Variants in PTPN1 observed in about 807,000 individuals in gnomAD.
The protein encoded by PTPN1 is tyrosine-protein phosphatase non-receptor type 1.
PTPN1 carries 12 observed loss-of-function variants against 59.9 expected under a neutral mutation model. The observed-to-expected ratio is 0.20, with a 90% CI of 0.13 to 0.32. The LOEUF (loss-of-function observed/expected upper bound fraction) is 0.32. Ranked by LOEUF, PTPN1 falls within the 10% of genes least tolerant of loss-of-function variation. PTPN1 has a pLI of 1.00. For synonymous variants in PTPN1, 178 were observed against 203.6 expected, an observed-to-expected ratio of 0.87 and a Z score of 1.07; for missense variants, 356 against 549.2, an observed-to-expected ratio of 0.65 and a Z score of 3.52.
chr20:50,565,349 GAC>G (rs2082774017), intron 3 of PTPN1, among the ~76,000 whole-genome samples: 2 of 152,354 alleles, frequency 1.3e-5, no homozygotes, highest in African/African-American at 4.8e-5. Flanking sequence ...TGTTGGCAGA[GAC>G]AGCAGAGCCA....
At chr20:50,564,004 G>A (rs1201460429) in intron 2 of PTPN1, among the ~76,000 whole-genome samples, 1 of 151,822 alleles carries the variant, frequency 6.6e-6, no homozygotes, top group Non-Finnish European at 1.5e-5. Flanking sequence ...TCTTTCAAGT[G>A]TCTTTGTGAT....
At chr20:50,539,026 CTTTTTTTTTTTTTT>C (rs71190576) in intron 1 of PTPN1, among the ~76,000 whole-genome samples, 4 of 85,294 alleles carry the variant, frequency 4.7e-5, no homozygotes, top group Non-Finnish European at 9.0e-5. Flanking sequence ...CTTCTCAATT[CTTTTTTTTTTTTTT>C]TTTTTTTTTT....
At chr20:50,551,799 A>T (rs1056798358) in intron 1 of PTPN1, among the ~76,000 whole-genome samples, 2 of 152,136 alleles carry the variant, frequency 1.3e-5, no homozygotes, top group African/African-American at 4.8e-5. Flanking sequence ...TGACATCTTT[A>T]GTGTTTTTGT....
At chr20:50,570,275 G>A (rs1430798140) in intron 4 of PTPN1, among the ~76,000 whole-genome samples, 1 of 152,126 alleles carries the variant, frequency 6.6e-6, no homozygotes, top group African/African-American at 2.4e-5. Context: ...AGGACAGCGC[G>A]TGTTTAAAAT....
chr20:50,534,263 A>C (rs2082614275), intron 1 of PTPN1, among the ~76,000 whole-genome samples: 2 of 152,182 alleles, frequency 1.3e-5, no homozygotes, highest in South Asian at 4.1e-4. Flanking sequence ...CTTTTAGCAA[A>C]TTTAATCCAA....
At chr20:50,522,463 A>G (rs1312847243) in intron 1 of PTPN1, among the ~76,000 whole-genome samples, 1 of 152,226 alleles carries the variant, frequency 6.6e-6, no homozygotes, top group African/African-American at 2.4e-5. Flanking sequence ...TCATGACTAA[A>G]TGGTTGCTCT....
chr20:50,549,960 G>A (rs2082694918), intron 1 of PTPN1, among the ~76,000 whole-genome samples: 1 of 151,964 alleles, frequency 6.6e-6, no homozygotes, highest in African/African-American at 2.4e-5. Flanking sequence ...AGTATACTTT[G>A]TTACATAGAA....
At chr20:50,532,717 G>GGTGT in intron 1 of PTPN1, among the ~76,000 whole-genome samples, 1 of 151,890 alleles carries the variant, frequency 6.6e-6, no homozygotes, top group Non-Finnish European at 1.5e-5. Context: ...TGGATGATGG[G>GGTGT]GTGTGTGTGT....
In PTPN1 at chr20:50,584,775, C is replaced by T. The variant is rs527774664; in HGVS notation, c.*2060C>T. 4.6e-5 allele frequency: 7 copies of T among 152,184 alleles called. No homozygotes were observed. The highest frequency in any genetic ancestry group is 1.7e-4 in the African/African-American group (7 of 41,524). 9.4% of individuals were successfully genotyped at this position (152,184 alleles called of 1,614,324 possible). The stretch of plus-strand genomic sequence containing the variant: ...TAAAGAACATGAATTTGGGGTGCTT[C>T]CCATTTTTTTCTTTGCTTAATAGAG... On this transcript the variant is annotated 3_prime_UTR_variant, in exon 10 of 10. Coordinates refer to ENST00000371621, the MANE Select transcript of PTPN1 (RefSeq NM_002827.4).
Position 50,584,696 on chromosome 20 carries a change from C to T in PTPN1, c.*1981C>T, listed in dbSNP as rs1289367812. ...ACTGTCAGACTGTACAGTTTTCCAACTTGCCATATTCATGATGGGTTTGCA... is the reference window on the plus strand; with the variant it reads ...ACTGTCAGACTGTACAGTTTTCCAATTTGCCATATTCATGATGGGTTTGCA... On this transcript the variant is annotated 3_prime_UTR_variant, in exon 10 of 10. Transcript: ENST00000371621. 1.3e-5 allele frequency: 2 copies of T among 152,116 alleles called. No individual in the cohort carries two copies. The highest frequency in any genetic ancestry group is 4.8e-5 in the African/African-American group (2 of 41,418). The allele number at this position is 152,116 out of a possible 1,614,324, so 9.4% of individuals were successfully genotyped here.
intron 1 of PTPN1, among the ~76,000 whole-genome samples, chr20:50,543,006 AG>A (rs2082659242): frequency 6.6e-6 from 1 of 152,346 alleles, no homozygotes; most frequent in South Asian, 2.1e-4. Context: ...TATATGAAAT[AG>A]GTACTCTGAA....
chr20:50,570,633 G>A lies in PTPN1; in HGVS notation c.354+2155G>A, dbSNP rs375874120. Among the ~76,000 whole-genome samples the A allele has an allele frequency of 1.2e-4, 19 of 152,316 alleles. 1 individual carries two copies. Among genetic ancestry groups the A allele is most frequent in the African/African-American group, 4.6e-4 (19 of 41,554 alleles). Reference sequence around the variant, plus strand: ...CTGTCTTAGAGGGAAGGGGAAGCCTGGTGGCCTGTGGAAGCCTTCAGCATA... The same window carrying A: ...CTGTCTTAGAGGGAAGGGGAAGCCTAGTGGCCTGTGGAAGCCTTCAGCATA... On this transcript the variant is annotated intron_variant, in intron 4 of 9. Coordinates refer to ENST00000371621, the MANE Select transcript of PTPN1 (RefSeq NM_002827.4).
intron 1 of PTPN1, among the ~76,000 whole-genome samples, chr20:50,524,569 C>CTTTGTTTTTGTT (rs2082565200): frequency 2.2e-5 from 1 of 45,782 alleles, no homozygotes; most frequent in East Asian, 6.3e-4. Flanking sequence ...ATTATGTGGT[C>CTTTGTTTTTGTT]TTTTTTTTTT....
rs184251638 is a variant in PTPN1, at chr20:50,510,497, G to A, written c.-31G>A. 9.0e-6 allele frequency: 14 copies of A among 1,548,070 alleles called. No homozygotes were observed. Among genetic ancestry groups the A allele is most frequent in the Non-Finnish European group, 1.7e-6 (2 of 1,145,552 alleles). Reference sequence around the variant, plus strand: ...AGCGGCAGACGGCGCAGTGGGCCGAGAAGGAGGCGCAGCAGCCGCCCTGGC... The same window carrying A: ...AGCGGCAGACGGCGCAGTGGGCCGAAAAGGAGGCGCAGCAGCCGCCCTGGC... On this transcript the variant is annotated 5_prime_UTR_variant, in exon 1 of 10. Transcript: ENST00000371621.
chr20:50,564,090 C>T (rs1568791277), intron 2 of PTPN1, among the ~76,000 whole-genome samples: 2 of 151,808 alleles, frequency 1.3e-5, no homozygotes, highest in African/African-American at 2.4e-5. Flanking sequence ...ACAAAAACCT[C>T]GTATAAAGGT....
At chr20:50,557,343 G>C (rs1300699090) in intron 1 of PTPN1, among the ~76,000 whole-genome samples, 2 of 152,034 alleles carry the variant, frequency 1.3e-5, no homozygotes, top group Non-Finnish European at 1.5e-5. Flanking sequence ...CAGTCTTCCT[G>C]CCTCCGCCTC....
At chr20:50,545,535 G>A (rs2082671324) in intron 1 of PTPN1, among the ~76,000 whole-genome samples, 1 of 152,216 alleles carries the variant, frequency 6.6e-6, no homozygotes, top group Non-Finnish European at 1.5e-5. Context: ...TGAGAAATCT[G>A]TATGTAGACC....
intron 1 of PTPN1, among the ~76,000 whole-genome samples, chr20:50,518,505 C>T (rs906446707): frequency 6.6e-5 from 10 of 152,282 alleles, no homozygotes; most frequent in South Asian, 2.1e-4. Context: ...AGGGAAAATA[C>T]GCCTTCACTG....
chr20:50,561,313 T>C, intron 1 of PTPN1, 50 bp from the exon 2 acceptor site: 1 of 1,356,098 alleles, frequency 7.4e-7, no homozygotes, highest in Non-Finnish European at 1.0e-6. Context: ...CTTTGCTGGG[T>C]CTTCCTCAGT....
Sources: gnomAD v4.1 joint callset for allele counts (sites outside exome capture counted in the v4.1 genomes callset) on GRCh38, gnomAD v4.1.1 for gene constraint, MANE v1.5 for transcripts, NCBI Gene and HGNC (gene_info 2026-07-23, HGNC 2026-07-21) for gene names.